Variants in TBC1D31 observed in about 807,000 individuals in gnomAD.
TBC1D31 encodes the protein WD repeat domain 67.
In TBC1D31, 99 loss-of-function variants were observed where a neutral mutation model predicts 132.9. The ratio of observed to expected loss-of-function variants is 0.74; its 90% CI spans 0.63 to 0.88. TBC1D31 has a LOEUF of 0.88. Ranked by LOEUF, TBC1D31 falls within the 40% of genes least tolerant of loss-of-function variation. The pLI is 0.00. For missense variants in TBC1D31, 1,134 were observed against 1,256.6 expected, an observed-to-expected ratio of 0.90 and a Z score of 1.48; for synonymous variants, 385 against 419.4, an observed-to-expected ratio of 0.92 and a Z score of 1.00.
chr8:123,121,307 A>G (rs1463921356), intron 11 of TBC1D31, among the ~76,000 whole-genome samples: 2 of 150,106 alleles, frequency 1.3e-5, no homozygotes, highest in Non-Finnish European at 2.9e-5. Context: ...GCATGCAAAC[A>G]TAATAGTTCC....
At chr8:123,148,916 G>T (rs917900423) in intron 20 of TBC1D31, among the ~76,000 whole-genome samples, 1 of 151,924 alleles carries the variant, frequency 6.6e-6, no homozygotes, top group Non-Finnish European at 1.5e-5. Flanking sequence ...GCATGGTGGC[G>T]TGAACCTGTA....
chr8:123,087,329 T>A (rs1405255259), intron 4 of TBC1D31, among the ~76,000 whole-genome samples: 1 of 152,206 alleles, frequency 6.6e-6, no homozygotes, highest in Non-Finnish European at 1.5e-5. Flanking sequence ...TTGCTTCAGG[T>A]TGTATTATGC....
chr8:123,086,398 C>T (rs927568794), intron 4 of TBC1D31, among the ~76,000 whole-genome samples: 2 of 152,188 alleles, frequency 1.3e-5, no homozygotes, highest in African/African-American at 2.4e-5. Context: ...CACAAAGACA[C>T]GGGGTCTGGA....
chr8:123,145,254 A>G (rs570198195), intron 20 of TBC1D31, among the ~76,000 whole-genome samples: 53 of 152,300 alleles, frequency 3.5e-4, no homozygotes, highest in Non-Finnish European at 3.5e-4. Context: ...GTATTTTGGC[A>G]CTTCTATTCA....
At chr8:123,103,928 A>G (rs1171573288) in intron 7 of TBC1D31, 3 of 152,178 alleles carry the variant, frequency 2.0e-5, no homozygotes, top group Admixed American at 6.5e-5. Flanking sequence ...GGCTACATTA[A>G]TGTTCAATTC....
chr8:123,118,349 A>G (rs1819153127), intron 10 of TBC1D31, among the ~76,000 whole-genome samples: 1 of 152,190 alleles, frequency 6.6e-6, no homozygotes, highest in Non-Finnish European at 1.5e-5. Context: ...AAGGTATACA[A>G]TAACTCTACT....
At chr8:123,094,429 T>C (rs185675252) in intron 5 of TBC1D31, among the ~76,000 whole-genome samples, 5 of 152,266 alleles carry the variant, frequency 3.3e-5, no homozygotes, top group African/African-American at 1.2e-4. Context: ...CCTAAGCATA[T>C]CATTTTATCC....
intron 16 of TBC1D31, among the ~76,000 whole-genome samples, chr8:123,132,507 G>A (rs955863547): frequency 7.7e-6 from 1 of 130,214 alleles, no homozygotes; most frequent in African/African-American, 2.9e-5. Context: ...TCCACCTCCC[G>A]GATTCAAGCA....
intron 17 of TBC1D31, among the ~76,000 whole-genome samples, chr8:123,137,544 T>A (rs940927680): frequency 5.3e-5 from 8 of 152,212 alleles, no homozygotes; most frequent in Non-Finnish European, 8.8e-5. Context: ...AGCATTTAAT[T>A]TCCTGCAAAG....
chr8:123,139,295 A>G (rs1168374660), intron 17 of TBC1D31, among the ~76,000 whole-genome samples: 1 of 152,074 alleles, frequency 6.6e-6, no homozygotes, highest in Non-Finnish European at 1.5e-5. Context: ...CATTACGTCA[A>G]CTCAAAGACC....
At chr8:123,135,780 T>C (rs1376317353) in intron 17 of TBC1D31, among the ~76,000 whole-genome samples, 1 of 152,242 alleles carries the variant, frequency 6.6e-6, no homozygotes, top group African/African-American at 2.4e-5. Context: ...ACAGTTTGGC[T>C]GAGTCTCCCA....
chr8:123,148,607 C>A (rs921217170), intron 20 of TBC1D31, among the ~76,000 whole-genome samples: 2 of 152,150 alleles, frequency 1.3e-5, no homozygotes, highest in African/African-American at 2.4e-5. Flanking sequence ...AGGAACCACA[C>A]CTGATTCGCG....
Position 123,152,009 on chromosome 8 carries a change from A to G in TBC1D31, c.*70A>G, listed in dbSNP as rs1348643584. 1.5e-6 allele frequency: 2 copies of G among 1,310,176 alleles called. No homozygotes were observed. Among genetic ancestry groups the G allele is most frequent in the Non-Finnish European group, 2.0e-6 (2 of 1,008,148 alleles). 81.2% of individuals were successfully genotyped at this position (1,310,176 alleles called of 1,614,324 possible). ...AATCAGTGACATTGATTTTTAGATT[A>G]TTTATTTAAAATTCCTATAAAGATC... On this transcript the variant is annotated 3_prime_UTR_variant, in exon 22 of 22. Coordinates refer to ENST00000287380, the MANE Select transcript of TBC1D31 (RefSeq NM_145647.4).
At chr8:123,078,492 C>T (rs2129676902) in intron 2 of TBC1D31, among the ~76,000 whole-genome samples, 1 of 152,272 alleles carries the variant, frequency 6.6e-6, no homozygotes, top group East Asian at 1.9e-4. Flanking sequence ...ACCCAGAGGG[C>T]CTGGGAGCAA....
At position 123,151,957 on chromosome 8, in the gene TBC1D31, G is replaced by A. The variant is rs754662122; in HGVS notation, c.*18G>A. 1 of 1,487,550 alleles carries A rather than the reference G, an allele frequency of 6.7e-7. No individual in the cohort carries two copies. The highest frequency in any genetic ancestry group is 8.9e-7 in the Non-Finnish European group (1 of 1,117,968). 92.1% of individuals were successfully genotyped at this position (1,487,550 alleles called of 1,614,324 possible). ...CTGCATAGAATGCATGTCACCTTGA[G>A]ACGGTCGAGAGAGAGACCTATTTTG... On this transcript the variant is annotated 3_prime_UTR_variant, in exon 22 of 22. Transcript: ENST00000287380.
chr8:123,119,748 T>C (rs1819294138), intron 10 of TBC1D31, among the ~76,000 whole-genome samples: 1 of 152,132 alleles, frequency 6.6e-6, no homozygotes, highest in Non-Finnish European at 1.5e-5. Context: ...TGAAGGTGTA[T>C]CGGTACGAAG....
intron 4 of TBC1D31, among the ~76,000 whole-genome samples, chr8:123,087,702 G>A (rs183374609): frequency 2.0e-5 from 3 of 152,274 alleles, no homozygotes; most frequent in East Asian, 1.9e-4. Context: ...ATGAGTATAC[G>A]CTGAATAGTT....
intron 5 of TBC1D31, among the ~76,000 whole-genome samples, chr8:123,095,071 C>T (rs138544490): frequency 6.6e-6 from 1 of 151,864 alleles, no homozygotes; most frequent in African/African-American, 2.4e-5. Flanking sequence ...TTTCTATATT[C>T]TGGATTTTGC....
At chr8:123,094,191 A>G (rs1174790981) in intron 5 of TBC1D31, among the ~76,000 whole-genome samples, 1 of 151,678 alleles carries the variant, frequency 6.6e-6, no homozygotes, top group Non-Finnish European at 1.5e-5. Context: ...CAGCCTCCCG[A>G]GTAGCTGGGA....
Sources: allele counts gnomAD v4.1 joint callset (sites outside exome capture counted in the v4.1 genomes callset), GRCh38; gene constraint gnomAD v4.1.1; transcripts MANE v1.5; gene names NCBI Gene and HGNC (gene_info 2026-07-23, HGNC 2026-07-21).